The following PPM1L variants were observed in gnomAD, a reference collection of about 807,000 sequenced individuals.
PPM1L encodes protein phosphatase, Mg2+/Mn2+ dependent 1L.
A neutral mutation model predicts 31.4 loss-of-function variants in PPM1L; 13 were observed. That is an observed-to-expected ratio of 0.41 (90% CI 0.27 to 0.66). The LOEUF (loss-of-function observed/expected upper bound fraction) is 0.66, where lower values mean the gene tolerates loss of function less well. Ranked by LOEUF, PPM1L falls within the 30% of genes least tolerant of loss-of-function variation. The pLI, the probability that PPM1L is intolerant of heterozygous loss-of-function variation, is 0.29. For synonymous variants in PPM1L, 184 were observed against 175.4 expected, an observed-to-expected ratio of 1.05 and a Z score of -0.39; for missense variants, 326 against 453.7, an observed-to-expected ratio of 0.72 and a Z score of 2.56.
intron 2 of PPM1L, among the ~76,000 whole-genome samples, chr3:160,978,651 G>T (rs542843343): frequency 6.6e-6 from 1 of 151,994 alleles, no homozygotes; most frequent in South Asian, 2.1e-4. Flanking sequence ...GTAACATGGT[G>T]AAACCCCATT....
intron 1 of PPM1L, among the ~76,000 whole-genome samples, chr3:160,771,543 CTTTTTTTT>C (rs745978148): frequency 3.6e-4 from 28 of 77,386 alleles, no homozygotes; most frequent in East Asian, 1.4e-3. Context: ...AAGGCTGGCT[CTTTTTTTT>C]TTTTTTTTTT....
At chr3:160,944,783 T>TTATATATTATATATATATATTATA (rs1304314117) in intron 1 of PPM1L, among the ~76,000 whole-genome samples, 1 of 52,576 alleles carries the variant, frequency 1.9e-5, no homozygotes, top group Non-Finnish European at 4.6e-5. Context: ...ATATATTATA[T>TTATATATTATATATATATATTATA]TATATATGTT....
At chr3:160,914,300 T>G (rs1430517315) in intron 1 of PPM1L, among the ~76,000 whole-genome samples, 2 of 152,182 alleles carry the variant, frequency 1.3e-5, no homozygotes, top group Admixed American at 6.5e-5. Flanking sequence ...GTTCTTTTTT[T>G]TATTATACTT....
chr3:160,851,872 A>G (rs1009841384), intron 1 of PPM1L, among the ~76,000 whole-genome samples: 32 of 152,140 alleles, frequency 2.1e-4, no homozygotes, highest in African/African-American at 6.8e-4. Flanking sequence ...AAGACCTTCC[A>G]TTGTCTTTCA....
At chr3:161,017,301 A>G (rs1211659245) in intron 2 of PPM1L, among the ~76,000 whole-genome samples, 1 of 152,226 alleles carries the variant, frequency 6.6e-6, no homozygotes, top group Non-Finnish European at 1.5e-5. Flanking sequence ...ATAGAAAATT[A>G]TCAGAACTCC....
At chr3:160,886,032 C>T (rs1190295116) in intron 1 of PPM1L, among the ~76,000 whole-genome samples, 1 of 152,226 alleles carries the variant, frequency 6.6e-6, no homozygotes, top group East Asian at 1.9e-4. Context: ...GCCAGTGAGG[C>T]TGGATGGCTT....
chr3:160,900,663 A>G (rs1713509063), intron 1 of PPM1L, among the ~76,000 whole-genome samples: 1 of 152,028 alleles, frequency 6.6e-6, no homozygotes, highest in African/African-American at 2.4e-5. Flanking sequence ...TAATGTGGCT[A>G]TATTTATAGC....
intron 2 of PPM1L, among the ~76,000 whole-genome samples, chr3:160,968,656 G>T (rs1716229131): frequency 6.6e-6 from 1 of 152,188 alleles, no homozygotes. Flanking sequence ...CCATGTGTTT[G>T]AGGGAATTAT....
At chr3:160,875,938 G>A (rs914859326) in intron 1 of PPM1L, among the ~76,000 whole-genome samples, 9 of 152,030 alleles carry the variant, frequency 5.9e-5, no homozygotes, top group African/African-American at 1.5e-4. Context: ...ACAAATTCTC[G>A]CCCTTTTCAC....
chr3:160,939,235 A>C (rs889623466), intron 1 of PPM1L, among the ~76,000 whole-genome samples: 1 of 151,930 alleles, frequency 6.6e-6, no homozygotes, highest in African/African-American at 2.4e-5. Flanking sequence ...TCCCCTCCAA[A>C]CACACGTACA....
In PPM1L at chr3:160,845,205, A is replaced by G. The variant is rs147254087; in HGVS notation, c.399+88498A>G. Among the ~76,000 whole-genome samples the G allele has an allele frequency of 5.8e-4, 89 of 152,220 alleles. No homozygotes were observed. The East Asian group carries it at 0.012, about 20-fold the overall frequency. ...TTTGGCTACTATGAATAATGCTGCT[A>G]TGAACATTTGTGTACAATATGTGTA... On this transcript the variant is annotated intron_variant, in intron 1 of 3. Transcript: ENST00000498165.
chr3:160,836,852 G>A (rs916667112), intron 1 of PPM1L, among the ~76,000 whole-genome samples: 5 of 152,142 alleles, frequency 3.3e-5, no homozygotes, highest in African/African-American at 1.2e-4. Context: ...GATCGTGGAA[G>A]CTTTAAAAAA....
chr3:160,851,251 GCTT>G (rs1711510930), intron 1 of PPM1L, among the ~76,000 whole-genome samples: 1 of 152,130 alleles, frequency 6.6e-6, no homozygotes, highest in Non-Finnish European at 1.5e-5. Flanking sequence ...GGTAGTGTCT[GCTT>G]CTGATTTATC....
At chr3:161,065,748 A>AT (rs1719720029) in intron 3 of PPM1L, among the ~76,000 whole-genome samples, 184 bp downstream of exon 3, 1 of 152,208 alleles carries the variant, frequency 6.6e-6, no homozygotes, top group Admixed American at 6.5e-5. Flanking sequence ...GTCTTCCTTC[A>AT]TAGCCAAAGA....
At chr3:160,815,822 T>C (rs1712978605) in intron 1 of PPM1L, among the ~76,000 whole-genome samples, 3 of 152,144 alleles carry the variant, frequency 2.0e-5, no homozygotes, top group Admixed American at 2.0e-4. Flanking sequence ...TACATTTTGC[T>C]TAGGGCAGGG....
chr3:160,954,639 C>T (rs7626904), intron 1 of PPM1L, among the ~76,000 whole-genome samples: 65,514 of 151,900 alleles, frequency 0.43, 14,789 homozygotes, highest in East Asian at 0.73. Flanking sequence ...CCTAGGATTA[C>T]GGGAGTGAGC....
chr3:161,032,890 T>C (rs796090669), intron 2 of PPM1L, among the ~76,000 whole-genome samples: 1 of 121,774 alleles, frequency 8.2e-6, no homozygotes, highest in African/African-American at 3.6e-5. Context: ...TTTTTTTTTT[T>C]AGTAGAGATG....
Position 160,892,577 on chromosome 3 carries a change from T to C in PPM1L, c.400-69159T>C, listed in dbSNP as rs981294756. On this transcript the variant is annotated intron_variant, in intron 1 of 3. Coordinates refer to ENST00000498165, the MANE Select transcript of PPM1L (RefSeq NM_139245.4). Reference sequence around the variant, plus strand: ...AAGCTTAACTTTGATATGAATAATTTAAACACACATGAATGTGCCTTCAAA... The same window carrying C: ...AAGCTTAACTTTGATATGAATAATTCAAACACACATGAATGTGCCTTCAAA... 2.6e-5 allele frequency among the ~76,000 whole-genome samples: 4 copies of C among 152,132 alleles called. No homozygotes were observed. The South Asian group carries it at 8.3e-4, about 32-fold the overall frequency.
chr3:160,816,626 G>C (rs1397238946), intron 1 of PPM1L, among the ~76,000 whole-genome samples: 1 of 151,920 alleles, frequency 6.6e-6, no homozygotes, highest in Admixed American at 6.6e-5. Context: ...ATCTTCAGTG[G>C]AGGAAAACCC....
Sources: gnomAD v4.1 joint callset for allele counts (sites outside exome capture counted in the v4.1 genomes callset) on GRCh38, gnomAD v4.1.1 for gene constraint, MANE v1.5 for transcripts, NCBI Gene and HGNC (gene_info 2026-07-23, HGNC 2026-07-21) for gene names.